The following ADAM12 variants were observed in gnomAD, a reference collection of about 807,000 sequenced individuals.
ADAM12 encodes ADAM metallopeptidase domain 12, also known as disintegrin and metalloproteinase domain-containing protein 12.
ADAM12 carries 70 observed loss-of-function variants against 106.4 expected under a neutral mutation model. That is an observed-to-expected ratio of 0.66 (90% CI 0.54 to 0.80). The LOEUF (loss-of-function observed/expected upper bound fraction) is 0.80, where lower values mean the gene tolerates loss of function less well. Ranked by LOEUF, ADAM12 falls within the 30% of genes least tolerant of loss-of-function variation. The pLI, the probability that ADAM12 is intolerant of heterozygous loss-of-function variation, is 0.00. For synonymous variants in ADAM12, 420 were observed against 433.5 expected (o/e 0.97, Z 0.39); for missense variants, 1,010 against 1,171.9 (o/e 0.86, Z 2.02).
chr10:126,028,741 A>C (rs934254445), intron 21 of ADAM12, among the ~76,000 whole-genome samples: 16 of 152,214 alleles, frequency 1.1e-4, no homozygotes, highest in Admixed American at 3.3e-4. Context: ...GGACATAGGC[A>C]TGCGAAAAGA....
chr10:126,316,351 A>C (rs1853871015), intron 2 of ADAM12, among the ~76,000 whole-genome samples: 1 of 152,196 alleles, frequency 6.6e-6, no homozygotes, highest in African/African-American at 2.4e-5. Context: ...GGTAATCTCT[A>C]ATCGTAATTT....
At chr10:126,046,383 G>T (rs1238702047) in intron 16 of ADAM12, among the ~76,000 whole-genome samples, 1 of 152,062 alleles carries the variant, frequency 6.6e-6, no homozygotes, top group Non-Finnish European at 1.5e-5. Context: ...AAATTATTTT[G>T]CATTTTATGG....
intron 5 of ADAM12, among the ~76,000 whole-genome samples, chr10:126,130,296 A>G (rs898489764): frequency 7.2e-5 from 11 of 152,100 alleles, no homozygotes; most frequent in Non-Finnish European, 1.2e-4. Context: ...TTGAAAGATC[A>G]TAAAGTTGAC....
intron 1 of ADAM12, among the ~76,000 whole-genome samples, chr10:126,341,799 C>T (rs1854940681): frequency 6.6e-6 from 1 of 152,216 alleles, no homozygotes; most frequent in African/African-American, 2.4e-5. Context: ...CACCAGAAGG[C>T]AGTGGGCACA....
In ADAM12 at chr10:126,095,390, C is replaced by T. The variant is rs186844008; in HGVS notation, c.997-1257G>A. Among the ~76,000 whole-genome samples, 916 of 151,862 alleles carry T rather than the reference C, an allele frequency of 6.0e-3. 9 individuals carry two copies. Among genetic ancestry groups the T allele is most frequent in the African/African-American group, 0.021 (871 of 41,398 alleles). On this transcript the variant is annotated intron_variant, in intron 10 of 22. Transcript: ENST00000448723. ...TCTACTAAAAATACAAAAAACTAGC[C>T]GGGCGTGGTGGCGGGCGCCTGTAGT...
intron 1 of ADAM12, among the ~76,000 whole-genome samples, chr10:126,337,939 A>G (rs1383942983): frequency 6.6e-6 from 1 of 152,198 alleles, no homozygotes. Flanking sequence ...ACTTAAAAAG[A>G]TCCTTTGGAC....
chr10:126,321,697 G>A (rs940595956), intron 2 of ADAM12, among the ~76,000 whole-genome samples: 9 of 152,266 alleles, frequency 5.9e-5, no homozygotes, highest in African/African-American at 2.2e-4. Context: ...GAGCGCTGGC[G>A]AGTGCTCACC....
chr10:126,131,104 CT>C (rs71029289), intron 5 of ADAM12, among the ~76,000 whole-genome samples: 35 of 100,910 alleles, frequency 3.5e-4, no homozygotes, highest in South Asian at 1.0e-3. Flanking sequence ...CAGCTGTCTT[CT>C]TTTTTTTTTT....
chr10:126,041,501 C>T (rs572170244), intron 18 of ADAM12: 2 of 985,596 alleles, frequency 2.0e-6, no homozygotes, highest in South Asian at 9.4e-5. Context: ...CTGAGTACTG[C>T]TGGTCACGCA....
intron 3 of ADAM12, among the ~76,000 whole-genome samples, chr10:126,237,562 A>G (rs754827209): frequency 2.0e-5 from 3 of 152,072 alleles, no homozygotes; most frequent in Non-Finnish European, 2.9e-5. Context: ...CAATATCTTC[A>G]TATATTTTTG....
intron 3 of ADAM12, among the ~76,000 whole-genome samples, chr10:126,232,428 G>C (rs1205942353): frequency 6.6e-6 from 1 of 152,170 alleles, no homozygotes; most frequent in African/African-American, 2.4e-5. Context: ...GAGACACTAG[G>C]ATTCTTTTGG....
rs1357676050 is a variant in ADAM12 at position 126,024,175 on chromosome 10, AAC to A, written c.2530-4352_2530-4351del. Among the ~76,000 whole-genome samples the A allele has an allele frequency of 9.8e-5, 15 of 152,362 alleles. 1 individual carries two copies. Among genetic ancestry groups the A allele is most frequent in the Non-Finnish European group, 1.6e-4 (11 of 68,042 alleles). ...CACTTACGTAAAGTTTAAAACACGAAACACTATATTAATGGATACATATTTAT... is the reference window on the plus strand; with the variant it reads ...CACTTACGTAAAGTTTAAAACACGAAACTATATTAATGGATACATATTTAT... On this transcript the variant is annotated intron_variant, in intron 21 of 22. Coordinates refer to ENST00000448723, the MANE Select transcript of ADAM12 (RefSeq NM_001288973.2).
chr10:126,258,202 T>G (rs10751542), intron 3 of ADAM12, among the ~76,000 whole-genome samples: 95,740 of 152,074 alleles, frequency 0.63, 30,629 homozygotes, highest in Non-Finnish European at 0.69. Flanking sequence ...TTCAGATTGC[T>G]TTCTGCACTC....
intron 4 of ADAM12, among the ~76,000 whole-genome samples, chr10:126,136,921 T>C (rs1160653594): frequency 2.0e-5 from 3 of 152,204 alleles, no homozygotes; most frequent in Admixed American, 2.0e-4. Flanking sequence ...TCTTTTAACT[T>C]TGCTTATGGT....
At chr10:126,116,270 T>C (rs1171129528) in intron 6 of ADAM12, among the ~76,000 whole-genome samples, 1 of 152,184 alleles carries the variant, frequency 6.6e-6, no homozygotes, top group Non-Finnish European at 1.5e-5. Flanking sequence ...GTGGGCAACG[T>C]GCATTCAACA....
chr10:126,320,330 G>A (rs1009198880), intron 2 of ADAM12, among the ~76,000 whole-genome samples: 2 of 152,154 alleles, frequency 1.3e-5, no homozygotes, highest in African/African-American at 2.4e-5. Context: ...TTCCCACAGC[G>A]GCTCTCTATG....
At chr10:126,188,601 G>A (rs1445960706) in intron 3 of ADAM12, among the ~76,000 whole-genome samples, 1 of 152,118 alleles carries the variant, frequency 6.6e-6, no homozygotes, top group Non-Finnish European at 1.5e-5. Context: ...CCTAATTTCA[G>A]GGAACTTAAT....
chr10:126,227,740 C>T (rs61466742), intron 3 of ADAM12, among the ~76,000 whole-genome samples: 4,461 of 152,204 alleles, frequency 0.029, 226 homozygotes, highest in African/African-American at 0.1. Context: ...TTTCTCTTTC[C>T]CCTCCTTTTC....
chr10:126,118,082 C>T lies in ADAM12; in HGVS notation c.559G>A (p.Ala187Thr). 6.2e-6 allele frequency: 10 copies of T among 1,614,160 alleles called. No homozygotes were observed. The highest frequency in any genetic ancestry group is 8.5e-6 in the Non-Finnish European group (10 of 1,180,000). ...GSHHNTPNLAAKNVFPPPSQT... is the reference protein window; with the variant it reads ...GSHHNTPNLATKNVFPPPSQT... Reference sequence around the variant, plus strand: ...GAGGGTGGTGGAAACACATTCTTTGCAGCGAGGTTTGGTGTGTTGTGATGT... The same window carrying T: ...GAGGGTGGTGGAAACACATTCTTTGTAGCGAGGTTTGGTGTGTTGTGATGT... The change falls in exon 6 of 23, where the codon GCA becomes ACA. Residue 187 changes from alanine (A) to threonine (T), a missense_variant. By Grantham distance (58) the Ala-to-Thr change is moderately conservative. This residue lies in a region of ADAM12 where 391 missense variants were observed against 442.9 expected (regional missense o/e 0.88). Coordinates refer to ENST00000448723, the MANE Select transcript of ADAM12 (RefSeq NM_001288973.2).
Sources: gnomAD v4.1 joint callset for allele counts (sites outside exome capture counted in the v4.1 genomes callset) on GRCh38, gnomAD v4.1.1 for gene constraint, gnomAD v4.1.1 regional missense constraint, MANE v1.5 for transcripts, NCBI Gene and HGNC (gene_info 2026-07-23, HGNC 2026-07-21) for gene names.